Variants in MERTK observed in about 807,000 individuals in gnomAD.
MERTK encodes MER proto-oncogene, tyrosine kinase.
A neutral mutation model predicts 99.3 loss-of-function variants in MERTK; 69 were observed. The ratio of observed to expected loss-of-function variants is 0.70; its 90% CI spans 0.57 to 0.85. The LOEUF (loss-of-function observed/expected upper bound fraction) is 0.85, where lower values mean the gene tolerates loss of function less well. Among genes scored for constraint, MERTK ranks in the 40% least tolerant of loss-of-function variants. The pLI, the probability that MERTK is intolerant of heterozygous loss-of-function variation, is 0.00. For missense variants in MERTK, 1,125 were observed against 1,249.4 expected, an observed-to-expected ratio of 0.90 and a Z score of 1.50; for synonymous variants, 426 against 467.6, an observed-to-expected ratio of 0.91 and a Z score of 1.15.
chr2:112,006,418 T>C (rs949437592), intron 13 of MERTK, among the ~76,000 whole-genome samples: 8 of 152,262 alleles, frequency 5.3e-5, no homozygotes, highest in African/African-American at 1.9e-4. Flanking sequence ...GAAGTTAGAA[T>C]ACTCACTGGA....
chr2:111,903,266 T>C (rs539065946), intron 1 of MERTK, among the ~76,000 whole-genome samples: 1 of 152,312 alleles, frequency 6.6e-6, no homozygotes, highest in South Asian at 2.1e-4. Flanking sequence ...CACCCTTATC[T>C]TTTCCTACTG....
At chr2:111,947,210 T>C (rs1319342990) in intron 3 of MERTK, among the ~76,000 whole-genome samples, 184 bp from the exon 4 acceptor site, 3 of 152,054 alleles carry the variant, frequency 2.0e-5, no homozygotes, top group Non-Finnish European at 2.9e-5. Context: ...GAGGTAGAGA[T>C]TGCAGTGAGC....
At chr2:111,903,722 G>C (rs1237119656) in intron 1 of MERTK, among the ~76,000 whole-genome samples, 1 of 152,218 alleles carries the variant, frequency 6.6e-6, no homozygotes, top group Non-Finnish European at 1.5e-5. Context: ...ACCGGGACTG[G>C]CTTCTGGGGC....
Position 112,028,726 on chromosome 2 carries a change from C to G in MERTK, c.2862C>G (p.Asn954Lys), listed in dbSNP as rs1221274911. ...APSAAVTAEK[N>K]SVLPGERLVR... is the part of the protein sequence containing the mutation. ...CTGCTGCAGTCACAGCTGAAAAGAA[C>G]AGTGTTTTACCGGGGGAGAGACTTG... is the stretch of plus-strand genomic sequence containing the variant. The change falls in exon 19 of 19, where the codon AAC becomes AAG. Residue 954 changes from asparagine (N) to lysine (K), a missense_variant. Coordinates refer to ENST00000295408, the MANE Select transcript of MERTK (RefSeq NM_006343.3). 1.9e-6 allele frequency: 3 copies of G among 1,614,152 alleles called. No homozygotes were observed. In the South Asian group the frequency reaches 3.3e-5, roughly 18 times the overall value.
In MERTK at chr2:112,004,412, T is replaced by G. The variant is rs377500484; in HGVS notation, c.1867+428T>G. ...GGGCCACTTCCTCATTTGAGGATGA[T>G]TGCATGGCCCTGAGGAAGCTGCGGG... On this transcript the variant is annotated intron_variant, in intron 13 of 18. Coordinates refer to ENST00000295408, the MANE Select transcript of MERTK (RefSeq NM_006343.3). Among the ~76,000 whole-genome samples the G allele has an allele frequency of 1.1e-3, 161 of 152,268 alleles. 1 individual carries two copies. The highest frequency in any genetic ancestry group is 2.6e-3 in the Admixed American group (39 of 15,294).
chr2:112,014,572 T>C (rs1263060432), intron 15 of MERTK, among the ~76,000 whole-genome samples: 3 of 152,308 alleles, frequency 2.0e-5, no homozygotes, highest in South Asian at 4.1e-4. Context: ...CAGGGCTATT[T>C]GGTGGCCCAA....
chr2:111,929,591 T>TTTATTTATTTATTTATTTATTTATTTAC (rs1558775560), intron 2 of MERTK, 51 bp downstream of exon 2: 37 of 1,273,402 alleles, frequency 2.9e-5, no homozygotes, highest in Admixed American at 2.8e-5. Context: ...TATTTATTTA[T>TTTATTTATTTATTTATTTATTTATTTAC]TTATTTACTT....
chr2:112,019,345 G>A lies in MERTK; in HGVS notation c.2080-68G>A, dbSNP rs756799033. On this transcript the variant is annotated intron_variant, in intron 15 of 18. Transcript: ENST00000295408. ...AAATTAAAGCATCCTTTCCCCCCCC[G>A]GCAGAAACTGCTTGCAAGTTTTCCT... is the stretch of plus-strand genomic sequence containing the variant. 46 of 1,139,968 alleles carry A rather than the reference G, an allele frequency of 4.0e-5. No individual in the cohort carries two copies. Among genetic ancestry groups the A allele is most frequent in the African/African-American group, 3.1e-4 (20 of 64,664 alleles). The allele number at this position is 1,139,968 out of a possible 1,614,324, so 70.6% of individuals were successfully genotyped here.
At chr2:112,009,796 T>A (rs1275750151) in intron 14 of MERTK, 152 bp from the exon 15 acceptor site, 2 of 705,080 alleles carry the variant, frequency 2.8e-6, no homozygotes, top group East Asian at 5.2e-5. Flanking sequence ...TGTGTTCCAT[T>A]TTCTAGAACA....
intron 4 of MERTK, among the ~76,000 whole-genome samples, chr2:111,953,097 G>A (rs147397915): frequency 1.3e-5 from 2 of 152,238 alleles, no homozygotes; most frequent in Admixed American, 6.5e-5. Flanking sequence ...GAGCACTTGC[G>A]GCAGCATTCA....
At chr2:111,983,028 T>C in intron 8 of MERTK, 35 bp downstream of exon 8, 2 of 1,612,748 alleles carry the variant, frequency 1.2e-6, no homozygotes, top group South Asian at 1.1e-5. Context: ...CGATTAGTCA[T>C]CTCCTTTCAA....
At chr2:112,000,654 C>T (rs550058833) in intron 10 of MERTK, among the ~76,000 whole-genome samples, 5 of 152,298 alleles carry the variant, frequency 3.3e-5, no homozygotes, top group Middle Eastern at 3.4e-3. Flanking sequence ...TTGATGTTGA[C>T]ATTGATCACC....
intron 1 of MERTK, among the ~76,000 whole-genome samples, chr2:111,908,006 A>G (rs1219131453): frequency 2.0e-5 from 3 of 151,698 alleles, no homozygotes; most frequent in Non-Finnish European, 4.4e-5. Flanking sequence ...CTTTCGTTAC[A>G]CTCCACTGAT....
In MERTK at chr2:112,009,965, A is replaced by C; in HGVS notation, c.1978A>C (p.Ser660Arg). ...IRLLGVCIEMSSQGIPKPMVI... is the reference protein window; with the variant it reads ...IRLLGVCIEMRSQGIPKPMVI... The stretch of plus-strand genomic sequence containing the variant: ...AATTTCAGGTGTGTGTATAGAAATG[A>C]GCTCTCAAGGCATCCCAAAGCCCAT... Residue 660 changes from serine to arginine, a missense_variant, in exon 15 of 19, where the codon AGC (serine) becomes CGC (arginine). Ser to Arg is a moderately radical substitution (Grantham distance 110). Coordinates refer to ENST00000295408, the MANE Select transcript of MERTK (RefSeq NM_006343.3). 6.2e-7 allele frequency: 1 copy of C among 1,612,510 alleles called. No homozygotes were observed. Among genetic ancestry groups the C allele is most frequent in the South Asian group, 1.1e-5 (1 of 91,052 alleles).
At chr2:112,001,678 T>C (rs1313979143) in intron 11 of MERTK, among the ~76,000 whole-genome samples, 2 of 152,214 alleles carry the variant, frequency 1.3e-5, no homozygotes, top group African/African-American at 4.8e-5. Context: ...ACATGCTTTA[T>C]AGTAATTATG....
At chr2:111,922,047 C>T (rs1684469130) in intron 1 of MERTK, among the ~76,000 whole-genome samples, 1 of 152,196 alleles carries the variant, frequency 6.6e-6, no homozygotes, top group Non-Finnish European at 1.5e-5. Flanking sequence ...TCTCTCTTCC[C>T]AGGTGCCTGG....
rs1676771192 is a variant in MERTK, at chr2:111,997,418, G to A, written c.1546G>A (p.Gly516Arg). 6.2e-7 allele frequency: 1 copy of A among 1,614,070 alleles called. No individual in the cohort carries two copies. Among genetic ancestry groups the A allele is most frequent in the East Asian group, 2.2e-5 (1 of 44,890 alleles). The change falls in exon 10 of 19, where the codon GGG becomes AGG. Residue 516 changes from glycine to arginine, a missense_variant. Coordinates refer to ENST00000295408, the MANE Select transcript of MERTK (RefSeq NM_006343.3). ...CTGCTTTTGTGGATTTATTTTGATTGGGTTGATTTTATACATCTCCTTGGC... is the reference window on the plus strand; with the variant it reads ...CTGCTTTTGTGGATTTATTTTGATTAGGTTGATTTTATACATCTCCTTGGC... ...FGCFCGFILI[G>R]LILYISLAIR...
At chr2:111,933,841 G>C (rs1684717651) in intron 2 of MERTK, among the ~76,000 whole-genome samples, 1 of 151,900 alleles carries the variant, frequency 6.6e-6, no homozygotes, top group Non-Finnish European at 1.5e-5. Context: ...ATCTACATTA[G>C]GTATTTCTCC....
In MERTK at chr2:111,937,170, C is replaced by T. The variant is rs1322921843; in HGVS notation, c.482+7630C>T. 2.0e-5 allele frequency among the ~76,000 whole-genome samples: 3 copies of T among 152,092 alleles called. No homozygotes were observed. The East Asian group carries it at 5.8e-4, about 29-fold the overall frequency. On this transcript the variant is annotated intron_variant, in intron 2 of 18. Coordinates refer to ENST00000295408, the MANE Select transcript of MERTK (RefSeq NM_006343.3). The stretch of plus-strand genomic sequence containing the variant: ...ATAAAAATGTTAAGTTGGGGCCAGG[C>T]ATGGTGGCTTATGCCTGTAATCCCC...
Sources: gnomAD v4.1 joint callset for allele counts (sites outside exome capture counted in the v4.1 genomes callset) on GRCh38, gnomAD v4.1.1 for gene constraint, MANE v1.5 for transcripts, NCBI Gene and HGNC (gene_info 2026-07-23, HGNC 2026-07-21) for gene names.